The following GABRG3 variants were observed in gnomAD, a reference collection of about 807,000 sequenced individuals.
GABRG3 encodes the protein gamma-aminobutyric acid receptor subunit gamma-3.
In GABRG3, 25 loss-of-function variants were observed where a neutral mutation model predicts 48.8. The ratio of observed to expected loss-of-function variants is 0.51; its 90% CI spans 0.37 to 0.72. The LOEUF is 0.72. Ranked by LOEUF, GABRG3 falls within the 30% of genes least tolerant of loss-of-function variation. The pLI is 0.00. For missense variants in GABRG3, 394 were observed against 577.9 expected (o/e 0.68, Z 3.26); for synonymous variants, 227 against 217.6 (o/e 1.04, Z -0.38).
chr15:27,417,843 C>A (rs1887988530), intron 5 of GABRG3, among the ~76,000 whole-genome samples: 1 of 152,242 alleles, frequency 6.6e-6, no homozygotes, highest in Non-Finnish European at 1.5e-5. Context: ...GCACACTTCA[C>A]AAGCTGTGGC....
At chr15:27,299,967 T>C (rs985803373) in intron 3 of GABRG3, among the ~76,000 whole-genome samples, 5 of 152,182 alleles carry the variant, frequency 3.3e-5, no homozygotes, top group Non-Finnish European at 5.9e-5. Context: ...CTTGTGTATG[T>C]CTAGATCTAG....
At chr15:27,200,522 A>T (rs374793822) in intron 3 of GABRG3, among the ~76,000 whole-genome samples, 96 of 152,288 alleles carry the variant, frequency 6.3e-4, no homozygotes, top group African/African-American at 2.2e-3. Flanking sequence ...CCCCAGACAC[A>T]TTACTGAATA....
chr15:27,131,680 G>C (rs771687945), intron 3 of GABRG3, among the ~76,000 whole-genome samples: 1 of 151,656 alleles, frequency 6.6e-6, no homozygotes, highest in Non-Finnish European at 1.5e-5. Flanking sequence ...ATACTTACAC[G>C]GTAAAATGCA....
chr15:27,307,832 A>ATGTTTATATATAAATC (rs1892708639), intron 3 of GABRG3, among the ~76,000 whole-genome samples: 1 of 126,112 alleles, frequency 7.9e-6, no homozygotes, highest in African/African-American at 2.8e-5. Flanking sequence ...AAACATAAAC[A>ATGTTTATATATAAATC]TATATAAAAT....
intron 3 of GABRG3, among the ~76,000 whole-genome samples, chr15:27,147,447 C>T (rs1401381633): frequency 6.6e-6 from 1 of 151,976 alleles, no homozygotes; most frequent in African/African-American, 2.4e-5. Context: ...TTGAACAACA[C>T]TCTAAGACAA....
At chr15:27,429,327 G>T (rs1888381004) in intron 5 of GABRG3, among the ~76,000 whole-genome samples, 1 of 152,134 alleles carries the variant, frequency 6.6e-6, no homozygotes, top group Non-Finnish European at 1.5e-5. Context: ...GGCTTACATG[G>T]CGATGAGTCC....
chr15:27,320,864 T>G (rs533530747), intron 3 of GABRG3, among the ~76,000 whole-genome samples: 18 of 152,378 alleles, frequency 1.2e-4, no homozygotes, highest in African/African-American at 4.3e-4. Flanking sequence ...TTTATATTAA[T>G]GTTATAATTT....
At chr15:27,356,056 T>C (rs1185486534) in intron 5 of GABRG3, among the ~76,000 whole-genome samples, 2 of 152,142 alleles carry the variant, frequency 1.3e-5, no homozygotes, top group South Asian at 2.1e-4. Flanking sequence ...ACCCACCAAA[T>C]TGTCTACTTT....
At chr15:27,353,399 T>C (rs1267997285) in intron 5 of GABRG3, among the ~76,000 whole-genome samples, 2 of 152,046 alleles carry the variant, frequency 1.3e-5, no homozygotes, top group Non-Finnish European at 2.9e-5. Context: ...CCTCTTCCCA[T>C]AGATGTGTGC....
At chr15:27,455,616 T>C (rs1231061052) in intron 5 of GABRG3, among the ~76,000 whole-genome samples, 2 of 151,684 alleles carry the variant, frequency 1.3e-5, no homozygotes, top group Non-Finnish European at 2.9e-5. Context: ...TGTATATATG[T>C]GCATGGTATA....
intron 3 of GABRG3, among the ~76,000 whole-genome samples, chr15:27,056,597 C>T (rs1896552343): frequency 6.6e-6 from 1 of 151,910 alleles, no homozygotes; most frequent in South Asian, 2.1e-4. Context: ...GTGTGGAGAG[C>T]GTTTGTGAGA....
intron 5 of GABRG3, among the ~76,000 whole-genome samples, chr15:27,423,603 T>A (rs1888198176): frequency 1.3e-5 from 2 of 151,056 alleles, no homozygotes; most frequent in South Asian, 4.2e-4. Context: ...TTGAGTACAG[T>A]GGCACAATCA....
chr15:27,047,568 T>A (rs2140706555), intron 3 of GABRG3, among the ~76,000 whole-genome samples: 1 of 152,334 alleles, frequency 6.6e-6, no homozygotes, highest in East Asian at 1.9e-4. Context: ...CTTTGTTTAG[T>A]GAATAAGAAA....
At chr15:27,488,725 T>C (rs1026275783) in intron 6 of GABRG3, among the ~76,000 whole-genome samples, 1 of 152,174 alleles carries the variant, frequency 6.6e-6, no homozygotes, top group Non-Finnish European at 1.5e-5. Flanking sequence ...ATATATCCCT[T>C]TGCAAATATT....
chr15:27,096,417 G>T (rs1401974958), intron 3 of GABRG3, among the ~76,000 whole-genome samples: 1 of 152,230 alleles, frequency 6.6e-6, no homozygotes, highest in Non-Finnish European at 1.5e-5. Flanking sequence ...TCAGCAGAGA[G>T]ATGATTAGTT....
At chr15:27,002,760 A>AAAAAAG (rs71130292) in intron 2 of GABRG3, among the ~76,000 whole-genome samples, 35,381 of 125,416 alleles carry the variant, frequency 0.28, 6,067 homozygotes, top group South Asian at 0.38. Context: ...AAAAAAAAAA[A>AAAAAAG]AAAGGAAGGA....
intron 5 of GABRG3, among the ~76,000 whole-genome samples, chr15:27,374,581 G>T (rs928310100): frequency 1.3e-5 from 2 of 152,162 alleles, no homozygotes; most frequent in African/African-American, 2.4e-5. Flanking sequence ...TTGTTTAAGT[G>T]TGGGTTTGTG....
intron 5 of GABRG3, among the ~76,000 whole-genome samples, chr15:27,414,778 C>T (rs758590584): frequency 4.6e-5 from 7 of 152,168 alleles, no homozygotes; most frequent in Non-Finnish European, 1.0e-4. Flanking sequence ...CCTGCTGAAA[C>T]GTCTTTGCTT....
intron 3 of GABRG3, among the ~76,000 whole-genome samples, chr15:27,091,213 G>A (rs1412588505): frequency 6.6e-6 from 1 of 152,110 alleles, no homozygotes; most frequent in Non-Finnish European, 1.5e-5. Context: ...TGTATTTTGT[G>A]AGTTCCTTTT....
Sources: gnomAD v4.1 joint callset for allele counts (sites outside exome capture counted in the v4.1 genomes callset) on GRCh38, gnomAD v4.1.1 for gene constraint, MANE v1.5 for transcripts, NCBI Gene and HGNC (gene_info 2026-07-23, HGNC 2026-07-21) for gene names.